The following ZNF487 variants were observed in gnomAD, a reference collection of about 807,000 sequenced individuals.
ZNF487 encodes zinc finger protein 487.
A neutral mutation model predicts 3.0 loss-of-function variants in ZNF487; 4 were observed. The ratio of observed to expected loss-of-function variants is 1.35; its 90% confidence interval spans 0.66 to 3.08. The LOEUF is 3.08. Among genes scored for constraint, ZNF487 ranks in the 30% most tolerant of loss-of-function variants. The pLI is 0.01. For synonymous variants in ZNF487, 55 were observed against 34.6 expected, an observed-to-expected ratio of 1.59 and a Z score of -2.06; for missense variants, 146 against 98.7, an observed-to-expected ratio of 1.48 and a Z score of -2.03.
rs1554798617 is a variant in ZNF487, at chr10:43,466,181, A to AGAGAGGGAGAGGGAGACCGTAGGGAGAGG, written c.-93-9524_-93-9523insCCGTAGGGAGAGGGAGAGGGAGAGGGAGA. Among the ~76,000 whole-genome samples, 12 of 135,390 alleles carry AGAGAGGGAGAGGGAGACCGTAGGGAGAGG rather than the reference A, an allele frequency of 8.9e-5. 1 individual carries two copies. The highest frequency in any genetic ancestry group is 7.8e-5 in the Non-Finnish European group (5 of 63,752). 88.8% of individuals were successfully genotyped at this position (135,390 alleles called of 152,430 possible). A position where few individuals can be genotyped will look rare whatever the true frequency, so the allele number is the denominator to read the frequency against. ...TCGGCATCAGAGGGAGACCGTGGAA[A>AGAGAGGGAGAGGGAGACCGTAGGGAGAGG]GAGAGGGAGAGGGAGAGGGAGCTGG... is the stretch of plus-strand genomic sequence containing the variant. On this transcript the variant is annotated intron_variant, in intron 1 of 3. Coordinates refer to ENST00000437590, the MANE Select transcript of ZNF487 (RefSeq NM_001355444.3).
the ZNF487 span, among the ~76,000 whole-genome samples, chr10:43,514,212 C>T: frequency 6.6e-6 from 1 of 152,136 alleles, no homozygotes; most frequent in African/African-American, 2.4e-5. Context: ...GTGATCTCGA[C>T]TCACTGCAAC....
intron 1 of ZNF487, among the ~76,000 whole-genome samples, chr10:43,470,758 A>G (rs944093219): frequency 2.0e-5 from 3 of 151,922 alleles, no homozygotes; most frequent in South Asian, 2.1e-4. Context: ...GGCTCAAGCA[A>G]TTTTCCTACC....
chr10:43,455,228 G>GTC (rs1413639062), intron 1 of ZNF487, among the ~76,000 whole-genome samples: 1 of 151,982 alleles, frequency 6.6e-6, no homozygotes, highest in Non-Finnish European at 1.5e-5. Flanking sequence ...AGCCAGGATG[G>GTC]TCTCGATCTC....
downstream of ZNF487, chr10:43,483,223 C>CTTCTT (rs58252359): frequency 3.7e-3 from 1,442 of 387,082 alleles, 9 homozygotes; most frequent in African/African-American, 0.018. Context: ...GATATTTTAT[C>CTTCTT]TTCTTTTCTT....
chr10:43,496,199 T>C, the ZNF487 span: 1 of 437,656 alleles, frequency 2.3e-6, no homozygotes, highest in Non-Finnish European at 4.7e-6. Flanking sequence ...TAGCAGTTGA[T>C]ATACGTGATC....
At chr10:43,517,634 C>G in the ZNF487 span, among the ~76,000 whole-genome samples, 1 of 152,164 alleles carries the variant, frequency 6.6e-6, no homozygotes, top group Admixed American at 6.5e-5. Flanking sequence ...GAAATAGAGG[C>G]TTTTACAGGT....
intron 1 of ZNF487, among the ~76,000 whole-genome samples, chr10:43,441,375 C>T (rs1185909679): frequency 3.3e-5 from 5 of 151,990 alleles, no homozygotes; most frequent in Non-Finnish European, 5.9e-5. Flanking sequence ...CAGCAATTCT[C>T]CTGTCTCAGC....
At chr10:43,516,694 T>C in the ZNF487 span, among the ~76,000 whole-genome samples, 1 of 152,178 alleles carries the variant, frequency 6.6e-6, no homozygotes, top group East Asian at 1.9e-4. Flanking sequence ...TTTTTCTGCC[T>C]GCTTATATTC....
the ZNF487 span, among the ~76,000 whole-genome samples, chr10:43,492,613 G>A: frequency 2.0e-5 from 3 of 151,758 alleles, no homozygotes; most frequent in South Asian, 2.1e-4. Flanking sequence ...CACCACGCCC[G>A]GCTAATTTTT....
chr10:43,495,125 T>G, the ZNF487 span, among the ~76,000 whole-genome samples: 6 of 152,010 alleles, frequency 3.9e-5, no homozygotes, highest in Admixed American at 6.6e-5. Flanking sequence ...TGTATCTTAA[T>G]ATAGCTCTAT....
chr10:43,499,343 C>T, the ZNF487 span, among the ~76,000 whole-genome samples: 61 of 152,272 alleles, frequency 4.0e-4, no homozygotes, highest in African/African-American at 1.4e-3. Context: ...TTAATAATTA[C>T]AGGAAGTGAA....
chr10:43,473,494 T>C (rs553083442), intron 1 of ZNF487, among the ~76,000 whole-genome samples: 2 of 152,178 alleles, frequency 1.3e-5, no homozygotes, highest in South Asian at 4.1e-4. Context: ...CCATTTATAA[T>C]TTTTGTTTTT....
the ZNF487 span, among the ~76,000 whole-genome samples, chr10:43,504,560 G>A: frequency 6.6e-6 from 1 of 152,020 alleles, no homozygotes; most frequent in East Asian, 1.9e-4. Flanking sequence ...CTCCCAAAGT[G>A]CTGGGATTAC....
intron 2 of ZNF487, 123 bp from the exon 3 acceptor site, chr10:43,475,984 A>G (rs1841086164): frequency 3.0e-6 from 2 of 663,608 alleles, no homozygotes; most frequent in Non-Finnish European, 5.6e-6. Context: ...CCTTCTGGGC[A>G]CTGTAAAGAA....
chr10:43,497,675 A>C, the ZNF487 span, among the ~76,000 whole-genome samples: 1 of 152,156 alleles, frequency 6.6e-6, no homozygotes, highest in Admixed American at 6.6e-5. Context: ...TTGATACATA[A>C]GAGATATATA....
Position 43,455,410 on chromosome 10 carries a change from A to G in ZNF487, c.-94+18148A>G, listed in dbSNP as rs915007742. ...CCCATTGGCATCGTGACTACCAACC[A>G]CCACATCACTCAGCTGCTTTGCTTT... On this transcript the variant is annotated intron_variant, in intron 1 of 3. Coordinates refer to ENST00000437590, the MANE Select transcript of ZNF487 (RefSeq NM_001355444.3). Among the ~76,000 whole-genome samples the G allele has an allele frequency of 4.6e-5, 7 of 152,264 alleles. No individual in the cohort carries two copies. The East Asian group carries it at 7.7e-4, about 17-fold the overall frequency.
chr10:43,484,628 C>T (rs1386098264), downstream of ZNF487, among the ~76,000 whole-genome samples: 4 of 152,088 alleles, frequency 2.6e-5, no homozygotes, highest in East Asian at 7.7e-4. Context: ...TTCGTGATTT[C>T]TTTATTCCTT....
At chr10:43,468,764 C>T (rs973908621) in intron 1 of ZNF487, among the ~76,000 whole-genome samples, 12 of 148,086 alleles carry the variant, frequency 8.1e-5, no homozygotes, top group African/African-American at 2.7e-4. Flanking sequence ...CCGAGGCAGG[C>T]GGATCACGAG....
chr10:43,464,510 G>A (rs1337896530), intron 1 of ZNF487, among the ~76,000 whole-genome samples: 3 of 152,132 alleles, frequency 2.0e-5, no homozygotes, highest in Non-Finnish European at 2.9e-5. Context: ...CTAGGCAGAG[G>A]ACCCTGCGGC....
Sources: gnomAD v4.1 joint callset for allele counts (sites outside exome capture counted in the v4.1 genomes callset) on GRCh38, gnomAD v4.1.1 for gene constraint, MANE v1.5 for transcripts, NCBI Gene and HGNC (gene_info 2026-07-23, HGNC 2026-07-21) for gene names.